Variants in NDFIP2 observed in about 807,000 individuals in gnomAD.
The protein encoded by NDFIP2 is Nedd4 family interacting protein 2.
Under a neutral mutation model 36.0 loss-of-function variants are expected in NDFIP2, and 19 were observed. That is an observed-to-expected ratio of 0.53 (90% CI 0.37 to 0.77). The LOEUF (loss-of-function observed/expected upper bound fraction) is 0.77, where lower values mean the gene tolerates loss of function less well. Among genes scored for constraint, NDFIP2 ranks in the 30% least tolerant of loss-of-function variants. The pLI is 0.00. For missense variants in NDFIP2, 446 were observed against 435.8 expected, an observed-to-expected ratio of 1.02 and a Z score of -0.21; for synonymous variants, 181 against 167.7, an observed-to-expected ratio of 1.08 and a Z score of -0.61.
chr13:79,505,304 G>A (rs1197148617), intron 1 of NDFIP2, among the ~76,000 whole-genome samples: 1 of 152,188 alleles, frequency 6.6e-6, no homozygotes, highest in Non-Finnish European at 1.5e-5. Context: ...TGCTCACAAT[G>A]TGGGTGTGTT....
chr13:79,505,131 T>G (rs1297779889), intron 1 of NDFIP2, among the ~76,000 whole-genome samples: 11 of 152,200 alleles, frequency 7.2e-5, no homozygotes, highest in Non-Finnish European at 1.6e-4. Context: ...GGGGCATCAG[T>G]GGGAGAAAAC....
At chr13:79,546,448 T>C (rs1422886163) in intron 5 of NDFIP2, among the ~76,000 whole-genome samples, 1 of 152,192 alleles carries the variant, frequency 6.6e-6, no homozygotes, top group Non-Finnish European at 1.5e-5. Context: ...ATTAATATAA[T>C]AAAATCAGAT....
chr13:79,518,514 T>C (rs1407921436), intron 1 of NDFIP2, among the ~76,000 whole-genome samples: 1 of 152,248 alleles, frequency 6.6e-6, no homozygotes, highest in Non-Finnish European at 1.5e-5. Flanking sequence ...TTGCATTTAC[T>C]TATTTATTTC....
rs775627545 is a variant in NDFIP2 at position 79,551,115 on chromosome 13, T to C, written c.1006T>C (p.Leu336=). The change falls in exon 7 of 8, where the codon TTG becomes CTG. Residue 336 remains leucine, a synonymous_variant. Coordinates refer to ENST00000218652, the MANE Select transcript of NDFIP2 (RefSeq NM_019080.3). The part of the protein sequence containing the change: ...AAHRTRYFFL[L] ...TCATAGAACAAGGTATTTCTTCTTATTGTAGAGGTAAGAAATATTAATCTG... is the reference window on the plus strand; with the variant it reads ...TCATAGAACAAGGTATTTCTTCTTACTGTAGAGGTAAGAAATATTAATCTG... 4 of 1,582,744 alleles carry C rather than the reference T, an allele frequency of 2.5e-6. No homozygotes were observed. The highest frequency in any genetic ancestry group is 1.8e-5 in the Admixed American group (1 of 56,870).
intron 1 of NDFIP2, among the ~76,000 whole-genome samples, chr13:79,506,057 A>G (rs1873854936): frequency 6.6e-6 from 1 of 152,168 alleles, no homozygotes; most frequent in African/African-American, 2.4e-5. Flanking sequence ...TGAGTTTTCT[A>G]ACTTGTAGAA....
At chr13:79,540,183 A>T (rs1449517719) in intron 4 of NDFIP2, among the ~76,000 whole-genome samples, 1 of 152,228 alleles carries the variant, frequency 6.6e-6, no homozygotes, top group Non-Finnish European at 1.5e-5. Flanking sequence ...AGGATTGGAA[A>T]AACAGATATT....
intron 6 of NDFIP2, among the ~76,000 whole-genome samples, chr13:79,550,632 T>C (rs1875870784): frequency 6.6e-6 from 1 of 151,560 alleles, no homozygotes; most frequent in Non-Finnish European, 1.5e-5. Flanking sequence ...AATAAATATG[T>C]CTTAGTTCAC....
chr13:79,533,210 A>G (rs1278678347), intron 2 of NDFIP2, 113 bp from the exon 3 acceptor site: 17 of 795,896 alleles, frequency 2.1e-5, no homozygotes, highest in South Asian at 1.2e-4. Context: ...ACATAGGCCT[A>G]TAATAGCAAT....
At chr13:79,534,526 T>TACATACAC (rs1249340607) in intron 3 of NDFIP2, among the ~76,000 whole-genome samples, 1 of 152,174 alleles carries the variant, frequency 6.6e-6, no homozygotes, top group Non-Finnish European at 1.5e-5. Flanking sequence ...GTCAGTGAGA[T>TACATACAC]ACATACACAT....
At chr13:79,520,043 C>T (rs1331805875) in intron 1 of NDFIP2, among the ~76,000 whole-genome samples, 3 of 152,198 alleles carry the variant, frequency 2.0e-5, no homozygotes, top group African/African-American at 7.2e-5. Context: ...TCAAGTGATC[C>T]ACCCACCTTG....
chr13:79,537,784 C>T (rs1875300197), intron 3 of NDFIP2, among the ~76,000 whole-genome samples: 1 of 152,204 alleles, frequency 6.6e-6, no homozygotes, highest in Non-Finnish European at 1.5e-5. Flanking sequence ...AGAGCCCTAG[C>T]TTCTCAGACT....
chr13:79,512,750 A>C (rs1296707609), intron 1 of NDFIP2, among the ~76,000 whole-genome samples: 1 of 152,166 alleles, frequency 6.6e-6, no homozygotes, highest in Non-Finnish European at 1.5e-5. Context: ...GGATTGTTAG[A>C]AATCAAGCTT....
chr13:79,497,666 T>G (rs1177187155), intron 1 of NDFIP2, among the ~76,000 whole-genome samples: 2 of 148,850 alleles, frequency 1.3e-5, no homozygotes, highest in East Asian at 1.9e-4. Flanking sequence ...CTGAGTTTTT[T>G]TTTTTTTTTT....
intron 1 of NDFIP2, among the ~76,000 whole-genome samples, chr13:79,501,137 G>A (rs1038895109): frequency 6.6e-6 from 1 of 152,010 alleles, no homozygotes; most frequent in Non-Finnish European, 1.5e-5. Context: ...ACAGTAAAAC[G>A]ATCAGTGGTT....
chr13:79,551,468 G>T (rs1875907631), intron 7 of NDFIP2, among the ~76,000 whole-genome samples: 1 of 151,244 alleles, frequency 6.6e-6, no homozygotes, highest in Non-Finnish European at 1.5e-5. Flanking sequence ...AACAAAATAT[G>T]ACATAGTACT....
chr13:79,493,912 C>T (rs933927686), intron 1 of NDFIP2, among the ~76,000 whole-genome samples: 1 of 151,964 alleles, frequency 6.6e-6, no homozygotes, highest in South Asian at 2.1e-4. Flanking sequence ...TAGTACATGT[C>T]CACTTTTAAA....
At chr13:79,513,954 T>C (rs1229159082) in intron 1 of NDFIP2, among the ~76,000 whole-genome samples, 1 of 152,232 alleles carries the variant, frequency 6.6e-6, no homozygotes, top group Non-Finnish European at 1.5e-5. Context: ...CTAATGAATG[T>C]GCCATATAGA....
At chr13:79,510,322 GAC>G (rs1443226322) in intron 1 of NDFIP2, among the ~76,000 whole-genome samples, 1 of 151,446 alleles carries the variant, frequency 6.6e-6, no homozygotes, top group Non-Finnish European at 1.5e-5. Context: ...CTAATCCACT[GAC>G]CGTAGCCTAC....
At chr13:79,502,380 T>C (rs1873699928) in intron 1 of NDFIP2, among the ~76,000 whole-genome samples, 1 of 152,184 alleles carries the variant, frequency 6.6e-6, no homozygotes, top group Non-Finnish European at 1.5e-5. Context: ...TTAATTGCTT[T>C]AATGCCCTTG....
Sources: allele counts gnomAD v4.1 joint callset (sites outside exome capture counted in the v4.1 genomes callset), GRCh38; gene constraint gnomAD v4.1.1; transcripts MANE v1.5; gene names NCBI Gene and HGNC (gene_info 2026-07-23, HGNC 2026-07-21).